Variants in CCSER1 observed in about 807,000 individuals in gnomAD.
The protein encoded by CCSER1 is coiled-coil serine rich protein 1.
A neutral mutation model predicts 82.0 loss-of-function variants in CCSER1; 41 were observed. The ratio of observed to expected loss-of-function variants is 0.50; its 90% CI spans 0.39 to 0.65. CCSER1 has a LOEUF of 0.65. CCSER1 is among the 30% of genes least tolerant of loss of function. The pLI is 0.00. For synonymous variants in CCSER1, 414 were observed against 383.9 expected (o/e 1.08, Z -0.92); for missense variants, 1,119 against 1,064.2 (o/e 1.05, Z -0.72).
At chr4:90,991,886 A>G (rs1737064373) in intron 9 of CCSER1, among the ~76,000 whole-genome samples, 1 of 152,026 alleles carries the variant, frequency 6.6e-6, no homozygotes, top group Non-Finnish European at 1.5e-5. Flanking sequence ...ACTTACTGCA[A>G]TCTGGCTTTG....
chr4:90,739,426 A>T (rs1362735175), intron 7 of CCSER1, among the ~76,000 whole-genome samples: 4 of 152,186 alleles, frequency 2.6e-5, no homozygotes, highest in African/African-American at 9.6e-5. Context: ...TGCTACCTGG[A>T]GTTGGGGGAG....
intron 10 of CCSER1, among the ~76,000 whole-genome samples, chr4:91,119,374 A>G (rs1726894778): frequency 6.6e-6 from 1 of 152,024 alleles, no homozygotes; most frequent in Non-Finnish European, 1.5e-5. Context: ...TATAAAATAT[A>G]TCTAGGAATG....
At chr4:90,482,132 C>A (rs1766108180) in intron 5 of CCSER1, among the ~76,000 whole-genome samples, 1 of 152,140 alleles carries the variant, frequency 6.6e-6, no homozygotes, top group Admixed American at 6.5e-5. Context: ...TTATCCATTT[C>A]TTCTAGATTT....
chr4:91,051,251 A>G (rs1430712828), intron 9 of CCSER1, among the ~76,000 whole-genome samples: 3 of 152,204 alleles, frequency 2.0e-5, no homozygotes, highest in African/African-American at 7.2e-5. Flanking sequence ...TCAAAAAACA[A>G]ATCAAACGCA....
At chr4:91,371,290 C>A (rs1419272392) in intron 10 of CCSER1, among the ~76,000 whole-genome samples, 1 of 152,012 alleles carries the variant, frequency 6.6e-6, no homozygotes. Flanking sequence ...TGCCCCCAAC[C>A]CCAAGCCCCC....
At chr4:90,690,558 T>C (rs753327916) in intron 6 of CCSER1, among the ~76,000 whole-genome samples, 11 of 152,084 alleles carry the variant, frequency 7.2e-5, no homozygotes, top group Non-Finnish European at 1.5e-4. Context: ...CAAATATTTC[T>C]ACAGTTTTAT....
At chr4:90,289,982 A>G (rs1165567586) in intron 1 of CCSER1, among the ~76,000 whole-genome samples, 1 of 151,690 alleles carries the variant, frequency 6.6e-6, no homozygotes, top group East Asian at 1.9e-4. Context: ...CCTAGATAAT[A>G]TGTCTCCAGA....
intron 1 of CCSER1, chr4:90,235,324 G>A (rs1745573757): frequency 6.6e-6 from 1 of 152,190 alleles, no homozygotes; most frequent in African/African-American, 2.4e-5. Context: ...CATGAAGCCT[G>A]GGATAGAAGA....
intron 1 of CCSER1, among the ~76,000 whole-genome samples, chr4:90,230,570 G>T (rs1395382865): frequency 2.0e-5 from 3 of 151,772 alleles, no homozygotes; most frequent in Non-Finnish European, 4.4e-5. Context: ...AACCAGAAAA[G>T]CAAGAGCAAA....
chr4:90,875,972 G>A (rs1000657864), intron 8 of CCSER1, among the ~76,000 whole-genome samples: 7 of 152,108 alleles, frequency 4.6e-5, no homozygotes, highest in Admixed American at 3.9e-4. Context: ...CAGTGTTTAC[G>A]ATAGCACATT....
At chr4:90,756,138 G>A (rs1247060896) in intron 7 of CCSER1, among the ~76,000 whole-genome samples, 1 of 152,188 alleles carries the variant, frequency 6.6e-6, no homozygotes, top group Non-Finnish European at 1.5e-5. Context: ...TGAAGCAGGA[G>A]AATTGCTTGA....
At chr4:90,128,035 G>A (rs569300487) in intron 1 of CCSER1, among the ~76,000 whole-genome samples, 2 of 152,052 alleles carry the variant, frequency 1.3e-5, no homozygotes, top group South Asian at 2.1e-4. Flanking sequence ...GGAGGCGGGC[G>A]GGCTCGCTCA....
At chr4:91,580,730 G>A (rs758954430) in intron 10 of CCSER1, among the ~76,000 whole-genome samples, 24 of 148,420 alleles carry the variant, frequency 1.6e-4, no homozygotes, top group Non-Finnish European at 3.2e-4. Context: ...TGGGAAATCT[G>A]CAACTCTGGT....
At chr4:90,220,306 C>T (rs966263120) in intron 1 of CCSER1, among the ~76,000 whole-genome samples, 6 of 151,980 alleles carry the variant, frequency 3.9e-5, no homozygotes, top group East Asian at 1.9e-4. Context: ...GGGGCAAATA[C>T]GGTAATTCAA....
chr4:90,516,902 A>G (rs1175006911), intron 5 of CCSER1, among the ~76,000 whole-genome samples: 1 of 152,138 alleles, frequency 6.6e-6, no homozygotes, highest in Non-Finnish European at 1.5e-5. Context: ...AATGGCACAC[A>G]TTGTAGAGGC....
chr4:91,551,689 A>AATACGTATTGATTTTCCTTTTGATTTAT, intron 10 of CCSER1, among the ~76,000 whole-genome samples: 3 of 147,192 alleles, frequency 2.0e-5, no homozygotes, highest in African/African-American at 5.1e-5. Context: ...ACACACACAC[A>AATACGTATTGATTTTCCTTTTGATTTAT]CACACACACA....
chr4:91,211,230 G>T (rs1189582576), intron 10 of CCSER1, among the ~76,000 whole-genome samples: 1 of 151,954 alleles, frequency 6.6e-6, no homozygotes, highest in Non-Finnish European at 1.5e-5. Flanking sequence ...GGAAGATGAT[G>T]GTGGCTTGAA....
intron 1 of CCSER1, among the ~76,000 whole-genome samples, chr4:90,288,580 GT>G (rs1196705294): frequency 6.6e-6 from 1 of 151,860 alleles, no homozygotes; most frequent in African/African-American, 2.4e-5. Context: ...TATGTTTCCT[GT>G]TTTTGAATTA....
intron 10 of CCSER1, among the ~76,000 whole-genome samples, chr4:91,168,529 G>A (rs1295435993): frequency 6.2e-5 from 9 of 144,192 alleles, no homozygotes; most frequent in African/African-American, 1.6e-4. Flanking sequence ...CCATCTGGGA[G>A]GTGAGGAGTG....
Sources: allele counts gnomAD v4.1 joint callset (sites outside exome capture counted in the v4.1 genomes callset), GRCh38; gene constraint gnomAD v4.1.1; transcripts MANE v1.5; gene names NCBI Gene and HGNC (gene_info 2026-07-23, HGNC 2026-07-21).